Variants in KAZN observed in about 807,000 individuals in gnomAD.
KAZN encodes the protein kazrin.
Under a neutral mutation model 87.4 loss-of-function variants are expected in KAZN, and 40 were observed. That is an observed-to-expected ratio of 0.46 (90% confidence interval 0.36 to 0.60). The LOEUF (loss-of-function observed/expected upper bound fraction) is 0.60. Among genes scored for constraint, KAZN ranks in the 20% least tolerant of loss-of-function variants. The pLI is 0.00. For missense variants in KAZN, 898 were observed against 1,073.9 expected (o/e 0.84, Z 2.29); for synonymous variants, 466 against 458.3 (o/e 1.02, Z -0.22).
At chr1:14,266,204 T>C (rs1651462901) in intron 2 of KAZN, among the ~76,000 whole-genome samples, 1 of 152,216 alleles carries the variant, frequency 6.6e-6, no homozygotes, top group African/African-American at 2.4e-5. Flanking sequence ...ACTTTCAACT[T>C]AACCACGCAG....
chr1:14,371,487 A>C (rs948167542), intron 2 of KAZN, among the ~76,000 whole-genome samples: 1 of 152,154 alleles, frequency 6.6e-6, no homozygotes, highest in Non-Finnish European at 1.5e-5. Context: ...ATTTGGCAGG[A>C]GAGTAGCAAG....
chr1:15,066,669 G>A lies in KAZN; in HGVS notation c.1222+916G>A, dbSNP rs1639249327. The A allele has an allele frequency of 2.0e-6, 2 of 985,188 alleles. No homozygotes were observed. Among genetic ancestry groups the A allele is most frequent in the Non-Finnish European group, 2.4e-6 (2 of 829,792 alleles). 61.0% of individuals were successfully genotyped at this position (985,188 alleles called of 1,614,324 possible). Reference sequence around the variant, plus strand: ...ATATTGGAATGTCTATTTTTCCATGGGGTGGGCGGGAGGTGGGTGTCTCTG... The same window carrying A: ...ATATTGGAATGTCTATTTTTCCATGAGGTGGGCGGGAGGTGGGTGTCTCTG... On this transcript the variant is annotated intron_variant, in intron 8 of 14. Transcript: ENST00000376030. The surrounding 1 kb of genome is among the most constrained non-coding windows in gnomAD (Gnocchi z 4.3).
chr1:14,022,540 TAAC>T (rs1640892306), intron 1 of KAZN, among the ~76,000 whole-genome samples: 1 of 106,452 alleles, frequency 9.4e-6, no homozygotes, highest in Admixed American at 9.1e-5. Context: ...GAAATAAAAA[TAAC>T]AAACAAAAAC....
chr1:13,899,133 AGTGTGT>A (rs1202160500), intron 1 of KAZN, among the ~76,000 whole-genome samples: 1 of 152,230 alleles, frequency 6.6e-6, no homozygotes, highest in Non-Finnish European at 1.5e-5. Flanking sequence ...CAGTGGAAAC[AGTGTGT>A]TCTGACATTC....
chr1:14,623,421 T>G (rs1212082143), intron 1 of KAZN, among the ~76,000 whole-genome samples: 1 of 152,058 alleles, frequency 6.6e-6, no homozygotes. Context: ...AAACATTGAG[T>G]GCACTTGGAC....
chr1:14,425,592 C>T (rs1190620746), intron 2 of KAZN, among the ~76,000 whole-genome samples: 1 of 152,174 alleles, frequency 6.6e-6, no homozygotes, highest in African/African-American at 2.4e-5. Context: ...ACTTGAATCC[C>T]GGTCTCACCC....
intron 2 of KAZN, among the ~76,000 whole-genome samples, chr1:14,268,628 C>G (rs1158067026): frequency 2.0e-5 from 3 of 152,142 alleles, no homozygotes; most frequent in Non-Finnish European, 4.4e-5. Context: ...ATTTCCCTCT[C>G]CAGTTGGCTT....
chr1:14,089,929 C>T (rs533045437), intron 1 of KAZN, among the ~76,000 whole-genome samples: 1 of 152,054 alleles, frequency 6.6e-6, no homozygotes, highest in Non-Finnish European at 1.5e-5. Flanking sequence ...TTAAAGAAAT[C>T]ACTCCATTGT....
Position 15,103,463 on chromosome 1 carries a change from G to A in KAZN, c.1881+3G>A, listed in dbSNP as rs1446736198. 2.6e-6 allele frequency: 4 copies of A among 1,544,790 alleles called. No individual in the cohort carries two copies. Among genetic ancestry groups the A allele is most frequent in the Non-Finnish European group, 3.5e-6 (4 of 1,143,330 alleles). On this transcript the variant is annotated splice_donor_region_variant and intron_variant, in intron 12 of 14. Coordinates refer to ENST00000376030, the MANE Select transcript of KAZN (RefSeq NM_201628.3). ...GGGTTCGAGACATCGACCTGAAGGT[G>A]AGGGTGATAGCGGAGGTCGGGGTGA...
chr1:14,225,047 C>T (rs887443654), intron 2 of KAZN, among the ~76,000 whole-genome samples: 1 of 151,954 alleles, frequency 6.6e-6, no homozygotes, highest in Non-Finnish European at 1.5e-5. Context: ...AAGTCCTAGC[C>T]AGAGCAATCA....
At chr1:14,438,054 G>C (rs1666500005) in intron 2 of KAZN, among the ~76,000 whole-genome samples, 1 of 145,598 alleles carries the variant, frequency 6.9e-6, no homozygotes, top group Non-Finnish European at 1.5e-5. Context: ...TCTGCCACCA[G>C]TTAAACTTCA....
At position 14,540,528 on chromosome 1, in the gene KAZN, G is replaced by A. The variant is rs530519914; in HGVS notation, c.250-58455G>A. Among the ~76,000 whole-genome samples, 3 of 152,284 alleles carry A rather than the reference G, an allele frequency of 2.0e-5. No individual in the cohort carries two copies. In the South Asian group the frequency reaches 6.2e-4, roughly 32 times the overall value. ...AGATATGCCCCATCCAAAGGGTGTT[G>A]TCACACAGAAAGTGTGTCCAGTGCA... On this transcript the variant is annotated intron_variant, in intron 2 of 16. Coordinates refer to the KAZN transcript ENST00000636203.
chr1:14,389,456 T>G (rs1662231846), intron 2 of KAZN, among the ~76,000 whole-genome samples: 1 of 149,240 alleles, frequency 6.7e-6, no homozygotes. Context: ...GCAACCTATA[T>G]TCATCAACAG....
chr1:13,933,407 G>A (rs1198757724), intron 1 of KAZN, among the ~76,000 whole-genome samples: 2 of 152,102 alleles, frequency 1.3e-5, no homozygotes, highest in African/African-American at 2.4e-5. Context: ...GAGGAGAATT[G>A]CTTGAACCCG....
intron 2 of KAZN, among the ~76,000 whole-genome samples, chr1:14,978,850 G>A (rs1665938065): frequency 6.6e-6 from 1 of 152,142 alleles, no homozygotes; most frequent in Non-Finnish European, 1.5e-5. Context: ...AGTAAACGGG[G>A]AAGACAGTGA....
intron 1 of KAZN, among the ~76,000 whole-genome samples, chr1:14,740,295 G>A (rs1644050908): frequency 6.6e-6 from 1 of 152,178 alleles, no homozygotes; most frequent in Non-Finnish European, 1.5e-5. Flanking sequence ...CTGTGTTTCT[G>A]GGCAGGACGC....
rs1050294071 is a variant in KAZN at position 14,444,731 on chromosome 1, C to T, written c.250-154252C>T. ...ACTCCTGGAGTGCATGAGATTTCTT[C>T]AGGACCTCGAAATTTAAATTTGTTC... On this transcript the variant is annotated intron_variant, in intron 2 of 16. Transcript: ENST00000636203. 1.2e-4 allele frequency among the ~76,000 whole-genome samples: 18 copies of T among 152,110 alleles called. No homozygotes were observed. In the East Asian group the frequency reaches 3.5e-3, roughly 29 times the overall value.
Position 15,017,557 on chromosome 1 carries a change from G to A in KAZN, c.419-17192G>A, listed in dbSNP as rs368217664. ...GGTGGCTCACGCCTGTAATCCCAGC[G>A]CTTTGGAAGGCTGAGGTGGGCGGAT... On this transcript the variant is annotated intron_variant, in intron 2 of 14. Coordinates refer to ENST00000376030, the MANE Select transcript of KAZN (RefSeq NM_201628.3). Among the ~76,000 whole-genome samples, 213 of 151,720 alleles carry A rather than the reference G, an allele frequency of 1.4e-3. 2 individuals are homozygous for A. The highest frequency in any genetic ancestry group is 5.2e-3 in the South Asian group (25 of 4,802).
chr1:14,420,770 G>A (rs1010420830), intron 2 of KAZN, among the ~76,000 whole-genome samples: 1 of 152,128 alleles, frequency 6.6e-6, no homozygotes, highest in African/African-American at 2.4e-5. Flanking sequence ...ACTGCCCGGG[G>A]CCGGCGGCAC....
Sources: allele counts gnomAD v4.1 joint callset (sites outside exome capture counted in the v4.1 genomes callset), GRCh38; gene constraint gnomAD v4.1.1; non-coding constraint Gnocchi (gnomAD v3.1); transcripts MANE v1.5; gene names NCBI Gene and HGNC (gene_info 2026-07-23, HGNC 2026-07-21).